Variants in GYPC observed in about 807,000 individuals in gnomAD.
GYPC encodes glycophorin C (Gerbich blood group).
GYPC carries 14 observed loss-of-function variants against 12.6 expected under a neutral mutation model. The ratio of observed to expected loss-of-function variants is 1.11; its 90% CI spans 0.74 to 1.74. The LOEUF is 1.74. GYPC is among the 40% of genes most tolerant of loss of function. GYPC has a pLI of 0.00. For synonymous variants in GYPC, 78 were observed against 62.1 expected, an observed-to-expected ratio of 1.26 and a Z score of -1.20; for missense variants, 225 against 172.1, an observed-to-expected ratio of 1.31 and a Z score of -1.72.
At chr2:126,692,859 A>T (rs1430754025) in intron 2 of GYPC, among the ~76,000 whole-genome samples, 1 of 152,220 alleles carries the variant, frequency 6.6e-6, no homozygotes, top group Non-Finnish European at 1.5e-5. Flanking sequence ...CTCCAGAGGC[A>T]AGAGCACTGG....
Position 126,656,221 on chromosome 2 carries a change from C to G in GYPC, c.-43C>G. On this transcript the variant is annotated 5_prime_UTR_variant, in exon 1 of 4. Transcript: ENST00000259254. ...CCTCCCCCGGCCCGGCCTGGCCCGG[C>G]CTGGCCAGTCCCCGCGGTCTCTGCC... 1 of 1,577,564 alleles carries G rather than the reference C, an allele frequency of 6.3e-7. No individual in the cohort carries two copies.
At chr2:126,686,423 G>C in intron 1 of GYPC, 2 of 985,588 alleles carry the variant, frequency 2.0e-6, no homozygotes, top group African/African-American at 1.7e-5. Flanking sequence ...AGGACATAGA[G>C]AGTTAGTAGG....
intron 1 of GYPC, chr2:126,686,176 C>A: frequency 2.0e-6 from 2 of 985,432 alleles, no homozygotes; most frequent in Non-Finnish European, 2.4e-6. Context: ...TTGGTGGCAA[C>A]AGAGGAGTGT....
chr2:126,682,311 CCAA>C (rs1202193547), intron 1 of GYPC, among the ~76,000 whole-genome samples: 1 of 151,958 alleles, frequency 6.6e-6, no homozygotes, highest in Non-Finnish European at 1.5e-5. Context: ...GCTTAATTTC[CCAA>C]CAACAAGGCC....
intron 1 of GYPC, among the ~76,000 whole-genome samples, chr2:126,676,349 A>G (rs1323516567): frequency 6.6e-6 from 1 of 152,242 alleles, no homozygotes; most frequent in Non-Finnish European, 1.5e-5. Context: ...TTTACATTAG[A>G]AGCATCAAAA....
intron 1 of GYPC, chr2:126,686,392 G>T: frequency 1.0e-6 from 1 of 985,718 alleles, no homozygotes; most frequent in Non-Finnish European, 1.2e-6. Context: ...TTCTGCCAGA[G>T]AATGGACAGC....
intron 1 of GYPC, among the ~76,000 whole-genome samples, chr2:126,673,114 G>C (rs112846622): frequency 6.6e-6 from 1 of 152,010 alleles, no homozygotes; most frequent in Non-Finnish European, 1.5e-5. Context: ...TGTGATGAAC[G>C]GTCCAGGGAG....
At chr2:126,680,853 G>A (rs1683131779) in intron 1 of GYPC, among the ~76,000 whole-genome samples, 1 of 152,196 alleles carries the variant, frequency 6.6e-6, no homozygotes, top group South Asian at 2.1e-4. Context: ...CATTCAGAGA[G>A]GGTGGTCATG....
At chr2:126,673,649 C>A (rs1682913840) in intron 1 of GYPC, among the ~76,000 whole-genome samples, 1 of 152,220 alleles carries the variant, frequency 6.6e-6, no homozygotes, top group Admixed American at 6.5e-5. Flanking sequence ...CTCTGTCCCC[C>A]ACAGATTCCT....
At chr2:126,677,514 TGA>T (rs1301489761) in intron 1 of GYPC, among the ~76,000 whole-genome samples, 3 of 91,992 alleles carry the variant, frequency 3.3e-5, no homozygotes, top group Non-Finnish European at 9.4e-5. Flanking sequence ...AGAGTGTGTG[TGA>T]GTCTGTGTGT....
intron 1 of GYPC, among the ~76,000 whole-genome samples, chr2:126,689,989 G>A (rs556880694): frequency 6.6e-6 from 1 of 152,302 alleles, no homozygotes; most frequent in South Asian, 2.1e-4. Flanking sequence ...CTCAGTGGAG[G>A]CATACTGCAG....
rs1164211597 is a variant in GYPC at position 126,656,218 on chromosome 2, C to A, written c.-46C>A. On this transcript the variant is annotated 5_prime_UTR_variant, in exon 1 of 4. Transcript: ENST00000259254. ...GACCCTCCCCCGGCCCGGCCTGGCCCGGCCTGGCCAGTCCCCGCGGTCTCT... is the reference window on the plus strand; with the variant it reads ...GACCCTCCCCCGGCCCGGCCTGGCCAGGCCTGGCCAGTCCCCGCGGTCTCT... 3.2e-6 allele frequency: 5 copies of A among 1,571,910 alleles called. No individual in the cohort carries two copies. The highest frequency in any genetic ancestry group is 2.3e-4 in the Middle Eastern group (1 of 4,386).
chr2:126,685,668 C>A (rs1340429115), intron 1 of GYPC, among the ~76,000 whole-genome samples: 1 of 152,194 alleles, frequency 6.6e-6, no homozygotes, highest in Non-Finnish European at 1.5e-5. Flanking sequence ...CAGGCATGAG[C>A]CACTGCACCC....
At chr2:126,668,495 T>A (rs1422145307) in intron 1 of GYPC, among the ~76,000 whole-genome samples, 1 of 152,234 alleles carries the variant, frequency 6.6e-6, no homozygotes, top group Non-Finnish European at 1.5e-5. Context: ...CCCATGCAGT[T>A]GTGAAATGCT....
chr2:126,674,723 G>A (rs954487970), intron 1 of GYPC, among the ~76,000 whole-genome samples: 7 of 152,164 alleles, frequency 4.6e-5, no homozygotes, highest in Admixed American at 3.3e-4. Flanking sequence ...TGCTGGTGCC[G>A]AAAGCCCAAG....
intron 1 of GYPC, among the ~76,000 whole-genome samples, chr2:126,688,397 A>G (rs1335386061): frequency 6.6e-6 from 1 of 152,220 alleles, no homozygotes; most frequent in African/African-American, 2.4e-5. Flanking sequence ...TCATTTATAC[A>G]TGCATGCATT....
chr2:126,690,548 T>A (rs943620989), intron 2 of GYPC, among the ~76,000 whole-genome samples: 1 of 152,154 alleles, frequency 6.6e-6, no homozygotes, highest in African/African-American at 2.4e-5. Flanking sequence ...CATAGGTATG[T>A]CATATGTATC....
intron 1 of GYPC, chr2:126,658,479 C>T (rs940750255): frequency 1.3e-5 from 2 of 152,272 alleles, no homozygotes; most frequent in South Asian, 2.1e-4. Context: ...CAGTTTGCCT[C>T]TTCAGGTGGC....
intron 1 of GYPC, among the ~76,000 whole-genome samples, chr2:126,677,663 T>C (rs1173325079): frequency 2.0e-5 from 3 of 152,044 alleles, no homozygotes; most frequent in Non-Finnish European, 4.4e-5. Flanking sequence ...AGAGCCACAC[T>C]CAGTGCTGCT....
Sources: gnomAD v4.1 joint callset for allele counts (sites outside exome capture counted in the v4.1 genomes callset) on GRCh38, gnomAD v4.1.1 for gene constraint, MANE v1.5 for transcripts, NCBI Gene and HGNC (gene_info 2026-07-23, HGNC 2026-07-21) for gene names.